LGI4: variants seen among roughly 807,000 people sequenced by gnomAD.
The protein encoded by LGI4 is leucine rich repeat LGI family member 4.
Under a neutral mutation model 48.3 loss-of-function variants are expected in LGI4, and 36 were observed. The ratio of observed to expected loss-of-function variants is 0.75; its 90% CI spans 0.57 to 0.98. The LOEUF (loss-of-function observed/expected upper bound fraction) is 0.98, where lower values mean the gene tolerates loss of function less well. Among genes scored for constraint, LGI4 ranks in the 50% least tolerant of loss-of-function variants. The pLI is 0.00. For synonymous variants in LGI4, 355 were observed against 331.6 expected, an observed-to-expected ratio of 1.07 and a Z score of -0.77; for missense variants, 701 against 732.1, an observed-to-expected ratio of 0.96 and a Z score of 0.49.
rs762300956 is a variant in LGI4, at chr19:35,125,160, G to T, written c.*33C>A. The T allele has an allele frequency of 6.7e-7, 1 of 1,500,648 alleles. No homozygotes were observed. The allele number at this position is 1,500,648 out of a possible 1,614,324, so 93.0% of individuals were successfully genotyped here. A position where few individuals can be genotyped will look rare whatever the true frequency, so the allele number is the denominator to read the frequency against. Reference sequence around the variant, plus strand: ...GAGCCAGCCAAGGGGCCGTCCAGGGGCCCCAGCCATGCCCAGAGTCCCGTT... The same window carrying T: ...GAGCCAGCCAAGGGGCCGTCCAGGGTCCCCAGCCATGCCCAGAGTCCCGTT... On this transcript the variant is annotated 3_prime_UTR_variant, in exon 9 of 9. Coordinates refer to ENST00000310123, the MANE Select transcript of LGI4 (RefSeq NM_139284.3).
intron 8 of LGI4, chr19:35,125,760 C>T (rs1385326262): frequency 1.5e-6 from 1 of 669,366 alleles, no homozygotes; most frequent in South Asian, 1.5e-5. Flanking sequence ...TCTCCCACCA[C>T]CTCTGGCTGA....
Position 35,134,048 on chromosome 19 carries a change from G to C in LGI4, c.227C>G (p.Pro76Arg). ...QLKAGSFLRI[P>R]SLHLLLFTSN... is the part of the protein sequence containing the mutation. Reference sequence around the variant, plus strand: ...CCCCACTCACAGCAGGTGCAGAGACGGAATTCTCAGGAAGCTGCCGGCCTT... The same window carrying C: ...CCCCACTCACAGCAGGTGCAGAGACCGAATTCTCAGGAAGCTGCCGGCCTT... Residue 76 changes from proline to arginine, a missense_variant, in exon 2 of 9, where the codon CCG (proline) becomes CGG (arginine). By Grantham distance (103) the Pro-to-Arg change is moderately radical (BLOSUM62 -2). This residue lies in a region of LGI4 where 462 missense variants were observed against 436.4 expected (regional missense o/e 1.06). Coordinates refer to ENST00000310123, the MANE Select transcript of LGI4 (RefSeq NM_139284.3). 6.4e-7 allele frequency: 1 copy of C among 1,562,932 alleles called. No individual in the cohort carries two copies. The highest frequency in any genetic ancestry group is 8.7e-7 in the Non-Finnish European group (1 of 1,153,076).
chr19:35,128,616 C>A (rs992238342), intron 6 of LGI4, among the ~76,000 whole-genome samples: 1 of 152,100 alleles, frequency 6.6e-6, no homozygotes, highest in African/African-American at 2.4e-5. Flanking sequence ...GAGGCTGGGG[C>A]AGGAGGATCA....
chr19:35,134,600 A>C lies in LGI4; in HGVS notation c.81T>G (p.Cys27Trp). 2 of 1,587,748 alleles carry C rather than the reference A, an allele frequency of 1.3e-6. No homozygotes were observed. Among genetic ancestry groups the C allele is most frequent in the Non-Finnish European group, 8.6e-7 (1 of 1,167,640 alleles). ...CTTTAGAGCAGGAGCAGCGCAGGGG[A>C]CACTTTCCCTTTGGGGGTCTCCAGG... ...VVAWRPPKGK[C>W]PLRCSCSKDS... The change falls in exon 1 of 9, where the codon TGT becomes TGG. Residue 27 changes from cysteine (C) to tryptophan (W), a missense_variant. By Grantham distance (215) the Cys-to-Trp change is radical. Around this residue, in one of 3 missense-constraint regions of LGI4, gnomAD observed 462 missense variants for 436.4 expected, o/e 1.06. Transcript: ENST00000310123.
At chr19:35,128,761 G>A (rs2065156563) in intron 6 of LGI4, among the ~76,000 whole-genome samples, 1 of 152,052 alleles carries the variant, frequency 6.6e-6, no homozygotes, top group Admixed American at 6.6e-5. Flanking sequence ...CCATGGCCCA[G>A]AATAAAGTCT....
chr19:35,132,883 G>A (rs1221981072), intron 3 of LGI4, among the ~76,000 whole-genome samples: 1 of 151,952 alleles, frequency 6.6e-6, no homozygotes, highest in Non-Finnish European at 1.5e-5. Context: ...CACTGCCGGA[G>A]TTTCCATAAA....
chr19:35,125,214 G>C lies in LGI4; in HGVS notation c.1593C>G (p.His531Gln). 2.6e-6 allele frequency: 4 copies of C among 1,533,878 alleles called. No homozygotes were observed. The highest frequency in any genetic ancestry group is 3.5e-6 in the Non-Finnish European group (4 of 1,137,506). Residue 531 changes from histidine to glutamine, a missense_variant, in exon 9 of 9, where the codon CAC (histidine) becomes CAG (glutamine). Around this residue, in one of 3 missense-constraint regions of LGI4, gnomAD observed 223 missense variants for 263.3 expected, o/e 0.85. Transcript: ENST00000310123. The stretch of plus-strand genomic sequence containing the variant: ...GGTCTCAGGCACTGAGGTCGATCTC[G>C]TGATGCTGGTAGATCTGTGTGGGGC... ...FKGPTQIYQHHEIDLSA is the reference protein window; with the variant it reads ...FKGPTQIYQHQEIDLSA
chr19:35,132,455 CAG>C (rs2065182533), intron 3 of LGI4, among the ~76,000 whole-genome samples: 1 of 151,874 alleles, frequency 6.6e-6, no homozygotes, highest in Admixed American at 6.6e-5. Context: ...TCACCACCAC[CAG>C]TGCTAGCACC....
In LGI4 at chr19:35,131,340, T is replaced by C. The variant is rs1186983430; in HGVS notation, c.628+46A>G. The stretch of plus-strand genomic sequence containing the variant: ...ACGAGCCTCTTGGCCCTGGCAGCCT[T>C]TCCCCCAGATCTCCCGCCTCCCACC... On this transcript the variant is annotated intron_variant, in intron 6 of 8. Transcript: ENST00000310123. 25 of 1,548,908 alleles carry C rather than the reference T, an allele frequency of 1.6e-5. No homozygotes were observed. In the Admixed American group the frequency reaches 3.5e-4, roughly 22 times the overall value.
At chr19:35,131,637 G>A in intron 5 of LGI4, 82 bp from the exon 6 acceptor site, 2 of 1,496,594 alleles carry the variant, frequency 1.3e-6, no homozygotes, top group Non-Finnish European at 1.8e-6. Flanking sequence ...TCAGGCAAGT[G>A]TCCCCAGAGA....
At chr19:35,132,978 A>T (rs1329133993) in intron 3 of LGI4, among the ~76,000 whole-genome samples, 2 of 152,090 alleles carry the variant, frequency 1.3e-5, no homozygotes, top group Non-Finnish European at 2.9e-5. Context: ...CACAGCCATC[A>T]CCAACATCAA....
chr19:35,130,014 T>A (rs1425741789), intron 6 of LGI4, among the ~76,000 whole-genome samples: 1 of 152,172 alleles, frequency 6.6e-6, no homozygotes, highest in East Asian at 1.9e-4. Flanking sequence ...TAAACATAAA[T>A]CTGGCCTACG....
intron 3 of LGI4, chr19:35,133,486 A>G (rs1244247014): frequency 1.1e-5 from 16 of 1,410,572 alleles, no homozygotes; most frequent in East Asian, 7.8e-5. Flanking sequence ...ACTGATAAAC[A>G]TCATTGACAC....
intron 5 of LGI4, 47 bp downstream of exon 5, chr19:35,131,742 A>C: frequency 1.4e-6 from 2 of 1,457,788 alleles, no homozygotes; most frequent in Non-Finnish European, 9.4e-7. Context: ...CCCCGCCGAC[A>C]CAAACATTCC....
intron 1 of LGI4, 71 bp downstream of exon 1, chr19:35,134,440 C>T: frequency 6.7e-7 from 1 of 1,485,362 alleles, no homozygotes; most frequent in African/African-American, 1.4e-5. Context: ...AGACCCGGCA[C>T]CACATCCCAA....
intron 8 of LGI4, 161 bp from the exon 9 acceptor site, chr19:35,125,668 G>C: frequency 1.4e-6 from 1 of 726,756 alleles, no homozygotes; most frequent in Non-Finnish European, 2.4e-6. Context: ...CAGTTGTTCT[G>C]AGCCCTTCCC....
intron 3 of LGI4, among the ~76,000 whole-genome samples, chr19:35,132,947 T>C (rs1282324255): frequency 2.6e-5 from 4 of 151,978 alleles, no homozygotes; most frequent in African/African-American, 9.7e-5. Flanking sequence ...TTGCCATTCA[T>C]ACCAACCCCA....
chr19:35,125,416 T>A lies in LGI4; in HGVS notation c.1391A>T (p.Asp464Val). 6.2e-7 allele frequency: 1 copy of A among 1,610,278 alleles called. No individual in the cohort carries two copies. Among genetic ancestry groups the A allele is most frequent in the Non-Finnish European group, 8.5e-7 (1 of 1,178,286 alleles). ...HVFQPLLIAR[D>V]QLAILGSDFA... Reference sequence around the variant, plus strand: ...GTCGCTGCCTAGGATGGCCAGCTGGTCCCTGGCGATGAGCAGTGGCTGGAA... The same window carrying A: ...GTCGCTGCCTAGGATGGCCAGCTGGACCCTGGCGATGAGCAGTGGCTGGAA... The change falls in exon 9 of 9, where the codon GAC becomes GTC. Residue 464 changes from aspartate (D) to valine (V), a missense_variant. Physicochemically the swap from Asp to Val is radical, Grantham distance 152 (BLOSUM62 -3). This residue lies in a region of LGI4 where 223 missense variants were observed against 263.3 expected (regional missense o/e 0.85). Coordinates refer to ENST00000310123, the MANE Select transcript of LGI4 (RefSeq NM_139284.3).
At position 35,132,001 on chromosome 19, in the gene LGI4, G is replaced by A; in HGVS notation, c.356C>T (p.Ala119Val). Residue 119 changes from alanine to valine, a missense_variant, in exon 4 of 9, where the codon GCC becomes GTC. Ala to Val is a moderately conservative substitution (Grantham distance 64). Coordinates refer to ENST00000310123, the MANE Select transcript of LGI4 (RefSeq NM_139284.3). ...TGTAAGCGAGCGAAGTCCTCTGAGG[G>A]CATTCTTAGAGATGGAGCCAATCTC... ...DNEIGSISKN[A>V]LRGLRSLTHL... 4 of 1,588,358 alleles carry A rather than the reference G, an allele frequency of 2.5e-6. No homozygotes were observed. Among genetic ancestry groups the A allele is most frequent in the African/African-American group, 1.3e-5 (1 of 74,582 alleles).
Sources: gnomAD v4.1 joint callset for allele counts (sites outside exome capture counted in the v4.1 genomes callset) on GRCh38, gnomAD v4.1.1 for gene constraint, gnomAD v4.1.1 regional missense constraint, MANE v1.5 for transcripts, NCBI Gene and HGNC (gene_info 2026-07-23, HGNC 2026-07-21) for gene names.